The following RBM4B variants were observed in gnomAD, a reference collection of about 807,000 sequenced individuals.
The protein encoded by RBM4B is RNA binding motif protein 4B.
In RBM4B, 13 loss-of-function variants were observed where a neutral mutation model predicts 28.5. That is an observed-to-expected ratio of 0.46 (90% CI 0.30 to 0.72). The LOEUF (loss-of-function observed/expected upper bound fraction) is 0.72. Among genes scored for constraint, RBM4B ranks in the 30% least tolerant of loss-of-function variants. The pLI is 0.09. For synonymous variants in RBM4B, 167 were observed against 179.1 expected (o/e 0.93, Z 0.54); for missense variants, 387 against 477.6 (o/e 0.81, Z 1.77).
chr11:66,665,943 C>T (rs1310146982), intron 3 of RBM4B: 1 of 1,534,086 alleles, frequency 6.5e-7, no homozygotes, highest in African/African-American at 1.4e-5. Context: ...ATTTTGGAGT[C>T]CAGGAAAAGC....
intron 2 of RBM4B, chr11:66,670,923 CTCTT>C (rs1317486146): frequency 4.3e-6 from 3 of 702,580 alleles, no homozygotes; most frequent in South Asian, 1.5e-5. Flanking sequence ...AAGTTGCTCT[CTCTT>C]TAACAGACCT....
At chr11:66,671,077 G>A (rs767959968) in intron 2 of RBM4B, 105 of 698,348 alleles carry the variant, frequency 1.5e-4, no homozygotes, top group Non-Finnish European at 2.5e-4. Context: ...TATCACTTTA[G>A]TCAAATTCCT....
chr11:66,674,556 A>AAT (rs543989886), intron 2 of RBM4B, among the ~76,000 whole-genome samples: 3 of 149,226 alleles, frequency 2.0e-5, no homozygotes, highest in African/African-American at 7.4e-5. Context: ...AGTTGTATTA[A>AAT]ATATATATAT....
chr11:66,669,206 C>A lies in RBM4B; in HGVS notation c.498G>T (p.Gly166=). 6.2e-7 allele frequency: 1 copy of A among 1,614,204 alleles called. No homozygotes were observed. Residue 166 remains glycine (G), a synonymous_variant, in exon 3 of 4, where the codon GGG becomes GGT. Coordinates refer to ENST00000310046, the MANE Select transcript of RBM4B (RefSeq NM_031492.4). The part of the protein sequence containing the change: ...MGDQSGCYRC[G]KEGHWSKECP... ...ACTCTTTGGACCAGTGCCCTTCTTT[C>A]CCACACCGATAGCAGCCACTCTGGT...
rs1939378897 is a variant in RBM4B at position 66,669,292 on chromosome 11, C to T, written c.413-1G>A. 2 of 1,611,346 alleles carry T rather than the reference C, an allele frequency of 1.2e-6. No homozygotes were observed. The highest frequency in any genetic ancestry group is 1.7e-5 in the Admixed American group (1 of 59,914). ...GACAACTGCACATGCATTCTTTTGCCTTGAGGGAACAGATGTAAGAAGATT... is the reference window on the plus strand; with the variant it reads ...GACAACTGCACATGCATTCTTTTGCTTTGAGGGAACAGATGTAAGAAGATT... On this transcript the variant is annotated splice_acceptor_variant, in intron 2 of 3. Transcript: ENST00000310046. LOFTEE classifies it high-confidence loss of function.
intron 2 of RBM4B, chr11:66,675,746 AAAT>A (rs1939615476): frequency 6.6e-6 from 1 of 152,232 alleles, no homozygotes; most frequent in Non-Finnish European, 1.5e-5. Flanking sequence ...ATGATGATGG[AAAT>A]GTTCTGTGTC....
chr11:66,667,779 C>T (rs1939297115), intron 3 of RBM4B: 2 of 151,844 alleles, frequency 1.3e-5, no homozygotes, highest in Admixed American at 1.3e-4. Context: ...TCATAGCTCA[C>T]TGCAGCCTCT....
chr11:66,671,380 G>A (rs1939459472), intron 2 of RBM4B, among the ~76,000 whole-genome samples: 1 of 152,138 alleles, frequency 6.6e-6, no homozygotes, highest in Non-Finnish European at 1.5e-5. Flanking sequence ...CTATAATTTA[G>A]ACTAAAAGAT....
chr11:66,665,957 A>T (rs756764534), intron 3 of RBM4B: 30 of 1,528,220 alleles, frequency 2.0e-5, no homozygotes, highest in Non-Finnish European at 2.6e-5. Flanking sequence ...GAAAAGCAGA[A>T]GATGCTGAGA....
chr11:66,668,951 C>A lies in RBM4B; in HGVS notation c.753G>T (p.Leu251=). 1 of 1,614,210 alleles carries A rather than the reference C, an allele frequency of 6.2e-7. No homozygotes were observed. Among genetic ancestry groups the A allele is most frequent in the Non-Finnish European group, 8.5e-7 (1 of 1,180,044 alleles). ...TCACAGTTGTGCTTTGGACTTGAGG[C>A]AGATGGGACATGGTCTGCTCTGCGT... ...YNYAEQTMSH[L]PQVQSTTVTS... Residue 251 remains leucine (L), a synonymous_variant, in exon 3 of 4, where the codon CTG becomes CTT. Transcript: ENST00000310046.
rs985034743 is a variant in RBM4B, at chr11:66,677,839, G to T, written c.-88C>A. The stretch of plus-strand genomic sequence containing the variant: ...AAATGGCGACGGCCGCTCGAGCCTG[G>T]ACGCGACCGGGCCCTTTCTCGCGCG... On this transcript the variant is annotated 5_prime_UTR_variant, in exon 1 of 4. Coordinates refer to ENST00000310046, the MANE Select transcript of RBM4B (RefSeq NM_031492.4). 1 of 152,716 alleles carries T rather than the reference G, an allele frequency of 6.5e-6. No individual in the cohort carries two copies. Among genetic ancestry groups the T allele is most frequent in the South Asian group, 2.1e-4 (1 of 4,860 alleles). The allele number at this position is 152,716 out of a possible 1,614,324, so 9.5% of individuals were successfully genotyped here. A position where few individuals can be genotyped will look rare whatever the true frequency, so the allele number is the denominator to read the frequency against.
chr11:66,677,227 T>C (rs1410363662), intron 1 of RBM4B, 136 bp from the exon 2 acceptor site: 8 of 1,128,412 alleles, frequency 7.1e-6, no homozygotes, highest in Middle Eastern at 2.3e-4. Flanking sequence ...TCTTCCTCAA[T>C]AGAAGAAGGG....
At chr11:66,670,212 TCA>T (rs1020787710) in intron 2 of RBM4B, among the ~76,000 whole-genome samples, 2 of 151,878 alleles carry the variant, frequency 1.3e-5, no homozygotes, top group African/African-American at 4.8e-5. Flanking sequence ...CTTTCAGATT[TCA>T]GTTTAGCCCA....
At chr11:66,669,400 A>C in intron 2 of RBM4B, 109 bp from the exon 3 acceptor site, 1 of 1,030,084 alleles carries the variant, frequency 9.7e-7, no homozygotes, top group Non-Finnish European at 1.4e-6. Context: ...AGACGCACAC[A>C]CCTGTGACCC....
Position 66,676,762 on chromosome 11 carries a change from T to C in RBM4B, c.318A>G (p.Glu106=), listed in dbSNP as rs764532950. The C allele has an allele frequency of 6.2e-7, 1 of 1,614,184 alleles. No homozygotes were observed. Among genetic ancestry groups the C allele is most frequent in the Admixed American group, 1.7e-5 (1 of 60,018 alleles). ...AKFEEYGPVI[E]CDIVKDYAFV... is the part of the protein sequence containing the mutation. ...AGGCATAATCTTTCACGATGTCACA[T>C]TCGATGACCGGACCATACTCCTCAA... is the stretch of plus-strand genomic sequence containing the variant. Residue 106 remains glutamate, a synonymous_variant, in exon 2 of 4, where the codon GAA becomes GAG. Transcript: ENST00000310046.
At chr11:66,669,999 G>C (rs1055211161) in intron 2 of RBM4B, among the ~76,000 whole-genome samples, 2 of 152,144 alleles carry the variant, frequency 1.3e-5, no homozygotes, top group African/African-American at 4.8e-5. Context: ...AGATTTGGAC[G>C]GCATCTTGCC....
At position 66,668,774 on chromosome 11, in the gene RBM4B, T is replaced by C. The variant is rs1343003802; in HGVS notation, c.930A>G (p.Ala310=). Reference sequence around the variant, plus strand: ...CCTCTCCAACTGTGGGGAGCATGGCTGCAGCACGACGCAGTGGGCTCCTGT... The same window carrying C: ...CCTCTCCAACTGTGGGGAGCATGGCCGCAGCACGACGCAGTGGGCTCCTGT... ...GRDRSPLRRA[A]AMLPTVGEGY... Residue 310 remains alanine (A), a synonymous_variant, in exon 3 of 4, where the codon GCA becomes GCG. Coordinates refer to ENST00000310046, the MANE Select transcript of RBM4B (RefSeq NM_031492.4). 1 of 1,614,230 alleles carries C rather than the reference T, an allele frequency of 6.2e-7. No individual in the cohort carries two copies. The highest frequency in any genetic ancestry group is 1.3e-5 in the African/African-American group (1 of 75,046).
chr11:66,672,905 T>G (rs1384006624), intron 2 of RBM4B, among the ~76,000 whole-genome samples: 1 of 152,182 alleles, frequency 6.6e-6, no homozygotes, highest in Non-Finnish European at 1.5e-5. Flanking sequence ...AAAGATTAAT[T>G]CTTCTACTCT....
chr11:66,676,198 T>C (rs1939630436), intron 2 of RBM4B: 1 of 173,482 alleles, frequency 5.8e-6, no homozygotes, highest in Non-Finnish European at 1.2e-5. Context: ...AGATTTATAA[T>C]ATAGGGCTTC....
Sources: gnomAD v4.1 joint callset for allele counts (sites outside exome capture counted in the v4.1 genomes callset) on GRCh38, gnomAD v4.1.1 for gene constraint, MANE v1.5 for transcripts, NCBI Gene and HGNC (gene_info 2026-07-23, HGNC 2026-07-21) for gene names.